MOSPD2: variants seen among roughly 807,000 people sequenced by gnomAD.
MOSPD2 encodes the protein motile sperm domain containing 2.
Under a neutral mutation model 41.7 loss-of-function variants are expected in MOSPD2, and 5 were observed. The observed-to-expected ratio is 0.12, with a 90% confidence interval of 0.06 to 0.25. The LOEUF is 0.25. Ranked by LOEUF, MOSPD2 falls within the 10% of genes least tolerant of loss-of-function variation. The probability of loss-of-function intolerance (pLI) is 1.00; values close to 1 mark genes in which losing one functional copy is unlikely to be tolerated. For synonymous variants in MOSPD2, 115 were observed against 126.9 expected, an observed-to-expected ratio of 0.91 and a Z score of 0.63; for missense variants, 282 against 375.2, an observed-to-expected ratio of 0.75 and a Z score of 2.05.
At chrX:14,901,165 G>C (rs1399024510) in intron 6 of MOSPD2, among the ~76,000 whole-genome samples, 1 of 111,664 alleles carries the variant, frequency 9.0e-6, no homozygotes. Context: ...GAGTTTGTTT[G>C]TTTTTTATTG....
At chrX:14,914,628 T>C in intron 11 of MOSPD2, 29 bp downstream of exon 11, 3 of 865,649 alleles carry the variant, frequency 3.5e-6, no homozygotes, top group Non-Finnish European at 5.0e-6. Flanking sequence ...CAATAAATTA[T>C]GTTTGAGAAT....
chrX:14,887,715 TTTA>T (rs1479100325), intron 2 of MOSPD2, among the ~76,000 whole-genome samples: 1 of 111,677 alleles, frequency 9.0e-6, no homozygotes, highest in Non-Finnish European at 1.9e-5. Context: ...ATTTTATTTT[TTTA>T]TTTAAAAAAT....
At chrX:14,918,871 C>A in intron 14 of MOSPD2, 89 bp downstream of exon 14, 1 of 597,081 alleles carries the variant, frequency 1.7e-6, no homozygotes, top group Non-Finnish European at 2.7e-6. Context: ...TAAAGAAAAA[C>A]ATTTGGCATA....
intron 8 of MOSPD2, among the ~76,000 whole-genome samples, chrX:14,910,425 A>G (rs754943915): frequency 5.4e-5 from 6 of 111,655 alleles, no homozygotes; most frequent in Non-Finnish European, 1.1e-4. Flanking sequence ...ACAGAGGTCT[A>G]TCTCATTTTT....
At chrX:14,918,968 G>A (rs1340429976) in intron 14 of MOSPD2, among the ~76,000 whole-genome samples, 186 bp downstream of exon 14, 1 of 111,941 alleles carries the variant, frequency 8.9e-6, no homozygotes, top group African/African-American at 3.2e-5. Flanking sequence ...CTGTAATCCC[G>A]GCACTTTGGG....
At position 14,895,363 on chromosome X, in the gene MOSPD2, C is replaced by T. The variant is rs1452377826; in HGVS notation, c.291C>T (p.Leu97=). The T allele has an allele frequency of 1.7e-6, 2 of 1,156,343 alleles. No homozygotes were observed. Among genetic ancestry groups the T allele is most frequent in the South Asian group, 1.9e-5 (1 of 53,611 alleles). ...RWLLEIGVIY[L]HGYDKEGNKL... ...TATTGGAAATTGGTGTTATTTATCT[C>T]CATGGTTATGACAAAGAAGGTAACA... The change falls in exon 4 of 15, where the codon CTC becomes CTT. Residue 97 remains leucine (L), a synonymous_variant. Transcript: ENST00000380492.
Position 14,916,221 on chromosome X carries a change from G to A in MOSPD2, c.1211G>A (p.Arg404His), listed in dbSNP as rs1176124863. The A allele has an allele frequency of 9.1e-6, 11 of 1,210,154 alleles. No homozygotes were observed. The highest frequency in any genetic ancestry group is 1.0e-5 in the Non-Finnish European group (9 of 895,187). ...GGTTTAACAGTCTCTGCCCAAGACC[G>A]TTTTCTGATAATGGCTGCAGAAATG... ...HGGLTVSAQD[R>H]FLIMAAEMEQ... The change falls in exon 13 of 15, where the codon CGT (arginine) becomes CAT (histidine). Residue 404 changes from arginine to histidine, a missense_variant. Arg to His is a conservative substitution (Grantham distance 29). Transcript: ENST00000380492.
chrX:14,888,304 C>G (rs1264571794), intron 2 of MOSPD2, among the ~76,000 whole-genome samples: 2 of 109,502 alleles, frequency 1.8e-5, no homozygotes, highest in Non-Finnish European at 3.8e-5. Flanking sequence ...CCACCCAAAT[C>G]TCATCTTGAA....
chrX:14,897,728 T>G (rs187030494), intron 5 of MOSPD2, among the ~76,000 whole-genome samples: 1 of 112,231 alleles, frequency 8.9e-6, no homozygotes, highest in East Asian at 2.8e-4. Flanking sequence ...TGAGTGTTTT[T>G]GTTTGCTTGT....
intron 9 of MOSPD2, among the ~76,000 whole-genome samples, 169 bp from the exon 10 acceptor site, chrX:14,912,080 G>A (rs1043471341): frequency 8.9e-6 from 1 of 111,957 alleles, no homozygotes; most frequent in East Asian, 2.8e-4. Context: ...GAACTTGATA[G>A]ATGGATAAAT....
chrX:14,920,059 T>C lies in MOSPD2; in HGVS notation c.*250T>C. ...AGTAAAGGCATATCCATTGTGTAAATTAATAGTTTAAATATAATTTATTTT... is the reference window on the plus strand; with the variant it reads ...AGTAAAGGCATATCCATTGTGTAAACTAATAGTTTAAATATAATTTATTTT... On this transcript the variant is annotated 3_prime_UTR_variant, in exon 15 of 15. Transcript: ENST00000380492. 1 of 785,690 alleles carries C rather than the reference T, an allele frequency of 1.3e-6. No individual in the cohort carries two copies. The highest frequency in any genetic ancestry group is 2.2e-5 in the African/African-American group (1 of 46,129). The allele number at this position is 785,690 out of a possible 1,213,427, so 64.7% of individuals were successfully genotyped here. A position where few individuals can be genotyped will look rare whatever the true frequency, so the allele number is the denominator to read the frequency against.
chrX:14,917,913 C>T (rs888778666), intron 13 of MOSPD2, among the ~76,000 whole-genome samples: 2 of 111,689 alleles, frequency 1.8e-5, no homozygotes, highest in African/African-American at 3.3e-5. Context: ...CAGTGAAATT[C>T]CTGAGAAGGC....
At chrX:14,895,425 T>A (rs775190181) in intron 4 of MOSPD2, 31 bp downstream of exon 4, 2 of 878,270 alleles carry the variant, frequency 2.3e-6, no homozygotes, top group Non-Finnish European at 3.3e-6. Flanking sequence ...TTCTGGCTTT[T>A]CAAGATTTTG....
At chrX:14,918,899 G>T in intron 14 of MOSPD2, 117 bp downstream of exon 14, 1 of 504,173 alleles carries the variant, frequency 2.0e-6, no homozygotes, top group South Asian at 3.0e-5. Flanking sequence ...TAGAAATACT[G>T]TCTTCTTTGT....
chrX:14,918,419 A>T (rs1829304826), intron 13 of MOSPD2, among the ~76,000 whole-genome samples: 1 of 111,700 alleles, frequency 9.0e-6, no homozygotes, highest in South Asian at 3.7e-4. Context: ...GATGAATTCT[A>T]CTGAATACCA....
intron 2 of MOSPD2, among the ~76,000 whole-genome samples, chrX:14,883,088 G>A (rs1246392497): frequency 1.8e-5 from 2 of 110,232 alleles, no homozygotes; most frequent in African/African-American, 3.3e-5. Context: ...CCAGCAACTC[G>A]GGAGGCTGAG....
In MOSPD2 at chrX:14,920,348, G is replaced by A; in HGVS notation, c.*539G>A. 1.3e-6 allele frequency: 1 copy of A among 753,164 alleles called. No individual in the cohort carries two copies. The allele number at this position is 753,164 out of a possible 1,213,427, so 62.1% of individuals were successfully genotyped here. ...AATTTTGAGAATTCCTCCCAGTGATGGTCAGTATTCTTTTGGAATGTAAAC... is the reference window on the plus strand; with the variant it reads ...AATTTTGAGAATTCCTCCCAGTGATAGTCAGTATTCTTTTGGAATGTAAAC... On this transcript the variant is annotated 3_prime_UTR_variant, in exon 15 of 15. Coordinates refer to ENST00000380492, the MANE Select transcript of MOSPD2 (RefSeq NM_152581.4).
intron 2 of MOSPD2, among the ~76,000 whole-genome samples, chrX:14,882,782 T>A (rs955261796): frequency 2.7e-5 from 3 of 110,975 alleles, no homozygotes; most frequent in African/African-American, 9.8e-5. Flanking sequence ...CAATGCCTGA[T>A]GAATGTTCTT....
intron 7 of MOSPD2, among the ~76,000 whole-genome samples, chrX:14,907,839 T>C (rs1469350366): frequency 9.0e-6 from 1 of 111,565 alleles, no homozygotes; most frequent in Admixed American, 9.6e-5. Context: ...AAAGGGGGGA[T>C]TTTATGGCAT....
Sources: gnomAD v4.1 joint callset for allele counts (sites outside exome capture counted in the v4.1 genomes callset) on GRCh38, gnomAD v4.1.1 for gene constraint, MANE v1.5 for transcripts, NCBI Gene and HGNC (gene_info 2026-07-23, HGNC 2026-07-21) for gene names.